PHACTR1: variants seen among roughly 807,000 people sequenced by gnomAD.
PHACTR1 encodes the protein phosphatase and actin regulator 1.
PHACTR1 carries 16 observed loss-of-function variants against 69.2 expected under a neutral mutation model. The ratio of observed to expected loss-of-function variants is 0.23; its 90% CI spans 0.16 to 0.35. The LOEUF is 0.35. Ranked by LOEUF, PHACTR1 falls within the 10% of genes least tolerant of loss-of-function variation. The pLI is 1.00. For missense variants in PHACTR1, 510 were observed against 734.7 expected, an observed-to-expected ratio of 0.69 and a Z score of 3.54; for synonymous variants, 312 against 284.5, an observed-to-expected ratio of 1.10 and a Z score of -0.97.
At chr6:12,755,238 A>G (rs184160218) in intron 4 of PHACTR1, among the ~76,000 whole-genome samples, 1 of 152,204 alleles carries the variant, frequency 6.6e-6, no homozygotes, top group Non-Finnish European at 1.5e-5. Context: ...AATCCCACAG[A>G]GGCGTGTTTT....
intron 10 of PHACTR1, chr6:13,252,936 G>A (rs1774685083): frequency 2.8e-6 from 1 of 358,576 alleles, no homozygotes; most frequent in African/African-American, 2.1e-5. Context: ...TGGGGTTTTT[G>A]TGTTTTCGTT....
chr6:12,895,177 C>CTTTTTTTTTTT (rs139510433), intron 4 of PHACTR1, among the ~76,000 whole-genome samples: 14 of 88,244 alleles, frequency 1.6e-4, no homozygotes, highest in African/African-American at 2.3e-4. Flanking sequence ...TTTCTTTTTT[C>CTTTTTTTTTTT]TTTTTTTTTT....
At chr6:13,250,007 ACT>A (rs1774156465) in intron 10 of PHACTR1, among the ~76,000 whole-genome samples, 3 of 151,328 alleles carry the variant, frequency 2.0e-5, no homozygotes, top group African/African-American at 7.3e-5. Flanking sequence ...AACCCACCCC[ACT>A]CTCTGTCTTT....
chr6:13,136,521 T>C (rs1371841703), intron 5 of PHACTR1, among the ~76,000 whole-genome samples: 1 of 152,262 alleles, frequency 6.6e-6, no homozygotes, highest in African/African-American at 2.4e-5. Context: ...ACAAGGCTGT[T>C]TCACTTGTTT....
intron 4 of PHACTR1, among the ~76,000 whole-genome samples, chr6:12,902,179 T>C (rs1465909501): frequency 1.3e-5 from 2 of 152,064 alleles, no homozygotes; most frequent in Non-Finnish European, 1.5e-5. Context: ...TCCCAGCACT[T>C]TGGGGGACGG....
intron 8 of PHACTR1, among the ~76,000 whole-genome samples, chr6:13,222,034 C>CA (rs57083921): frequency 0.028 from 3,630 of 129,156 alleles, 97 homozygotes; most frequent in African/African-American, 0.076. Context: ...GACTCCATCT[C>CA]AAAAAAAAAA....
intron 3 of PHACTR1, among the ~76,000 whole-genome samples, chr6:12,735,658 T>C (rs58122264): frequency 9.7e-4 from 148 of 152,366 alleles, no homozygotes; most frequent in African/African-American, 3.4e-3. Flanking sequence ...CATTCATGTA[T>C]ATACAGGCAA....
At chr6:12,966,059 C>T (rs902970595) in intron 4 of PHACTR1, among the ~76,000 whole-genome samples, 1 of 152,070 alleles carries the variant, frequency 6.6e-6, no homozygotes, top group Non-Finnish European at 1.5e-5. Context: ...TAGGCTTTGA[C>T]CACTGACTGC....
chr6:13,164,213 A>G (rs904764880), intron 6 of PHACTR1, among the ~76,000 whole-genome samples: 1 of 152,028 alleles, frequency 6.6e-6, no homozygotes, highest in Non-Finnish European at 1.5e-5. Context: ...CTATAATATC[A>G]TTCTTTTTCC....
At chr6:12,828,992 G>A (rs1037065045) in intron 4 of PHACTR1, among the ~76,000 whole-genome samples, 1 of 152,164 alleles carries the variant, frequency 6.6e-6, no homozygotes, top group Non-Finnish European at 1.5e-5. Flanking sequence ...TGTTTGAGGT[G>A]ATGGGTATCC....
Position 13,254,610 on chromosome 6 carries a change from A to G in PHACTR1, c.1392-18250A>G, listed in dbSNP as rs573190024. On this transcript the variant is annotated intron_variant, in intron 10 of 14. Transcript: ENST00000332995. Reference sequence around the variant, plus strand: ...CTCTATCATGATCTTCCCATCAGTCAAGGTTCCAGCAGGAAACAGATGGCT... The same window carrying G: ...CTCTATCATGATCTTCCCATCAGTCGAGGTTCCAGCAGGAAACAGATGGCT... 4.6e-5 allele frequency among the ~76,000 whole-genome samples: 7 copies of G among 152,326 alleles called. No homozygotes were observed. The East Asian group carries it at 1.4e-3, about 29-fold the overall frequency.
chr6:12,917,898 A>G (rs1056069584), intron 4 of PHACTR1, among the ~76,000 whole-genome samples: 3 of 152,224 alleles, frequency 2.0e-5, no homozygotes, highest in African/African-American at 7.2e-5. Context: ...CTGGAAATTC[A>G]GGCACCACTA....
intron 4 of PHACTR1, among the ~76,000 whole-genome samples, chr6:12,827,294 T>C (rs1319605779): frequency 6.6e-6 from 1 of 152,196 alleles, no homozygotes; most frequent in African/African-American, 2.4e-5. Flanking sequence ...TTCTTAGACA[T>C]TTTGGGGTCA....
chr6:13,138,044 T>C (rs1821829130), intron 5 of PHACTR1, among the ~76,000 whole-genome samples: 1 of 152,184 alleles, frequency 6.6e-6, no homozygotes, highest in South Asian at 2.1e-4. Context: ...ACTTCTGCAG[T>C]AGGAGAGAGA....
chr6:13,141,749 G>A (rs1281583792), intron 5 of PHACTR1, among the ~76,000 whole-genome samples: 1 of 50,712 alleles, frequency 2.0e-5, no homozygotes, highest in Admixed American at 2.1e-4. Flanking sequence ...TTTTTGTTGT[G>A]CTTGTTTTTC....
intron 9 of PHACTR1, among the ~76,000 whole-genome samples, chr6:13,228,621 T>C (rs1255654125): frequency 6.6e-6 from 1 of 152,188 alleles, no homozygotes; most frequent in East Asian, 1.9e-4. Flanking sequence ...CAGCCTGATA[T>C]TTGGCCAACT....
chr6:12,937,436 C>T (rs1160616520), intron 4 of PHACTR1, among the ~76,000 whole-genome samples: 1 of 152,028 alleles, frequency 6.6e-6, no homozygotes, highest in Non-Finnish European at 1.5e-5. Context: ...GCAACCTCCA[C>T]CTCCTGGGTT....
intron 6 of PHACTR1, among the ~76,000 whole-genome samples, chr6:13,180,232 C>T (rs1026580048): frequency 2.0e-5 from 3 of 152,154 alleles, no homozygotes; most frequent in Admixed American, 1.3e-4. Flanking sequence ...TAGTGTCTTA[C>T]ACCTTCTTCT....
intron 7 of PHACTR1, among the ~76,000 whole-genome samples, chr6:13,188,700 G>T (rs1763120374): frequency 6.6e-6 from 1 of 152,194 alleles, no homozygotes; most frequent in Non-Finnish European, 1.5e-5. Context: ...AATTTCTTCT[G>T]TTCATCAGCC....
Sources: allele counts gnomAD v4.1 joint callset (sites outside exome capture counted in the v4.1 genomes callset), GRCh38; gene constraint gnomAD v4.1.1; transcripts MANE v1.5; gene names NCBI Gene and HGNC (gene_info 2026-07-23, HGNC 2026-07-21).